RAB3GAP1: variants seen among roughly 807,000 people sequenced by gnomAD.
RAB3GAP1 encodes RAB3 GTPase activating protein catalytic subunit 1, also known as rab3 GTPase-activating protein catalytic subunit.
RAB3GAP1 carries 86 observed loss-of-function variants against 130.7 expected under a neutral mutation model. The observed-to-expected ratio is 0.66, with a 90% CI of 0.55 to 0.79. The LOEUF is 0.79. RAB3GAP1 is among the 30% of genes least tolerant of loss of function. The pLI is 0.00. For missense variants in RAB3GAP1, 1,029 were observed against 1,169.4 expected, an observed-to-expected ratio of 0.88 and a Z score of 1.75; for synonymous variants, 367 against 401.7, an observed-to-expected ratio of 0.91 and a Z score of 1.03.
At chr2:135,112,060 A>AGCATGGCCATAT (rs1204534606) in intron 5 of RAB3GAP1, among the ~76,000 whole-genome samples, 11 of 152,232 alleles carry the variant, frequency 7.2e-5, no homozygotes, top group Non-Finnish European at 1.6e-4. Context: ...AATGTGTTAG[A>AGCATGGCCATAT]GCATGGCCAT....
intron 7 of RAB3GAP1, among the ~76,000 whole-genome samples, chr2:135,117,549 T>TCTTCTGCTGCTG (rs1558784329): frequency 1.2e-5 from 1 of 83,600 alleles, no homozygotes; most frequent in African/African-American, 3.7e-5. Context: ...TTCTGCTTCT[T>TCTTCTGCTGCTG]CTTCTTCTGC....
rs776999297 is a variant in RAB3GAP1, at chr2:135,126,627, G to A, written c.944G>A (p.Arg315Gln). 1.2e-5 allele frequency: 19 copies of A among 1,612,926 alleles called. No individual in the cohort carries two copies. Among genetic ancestry groups the A allele is most frequent in the East Asian group, 6.7e-5 (3 of 44,818 alleles). ...IQAPHWSVRV[R>Q]KAENPQCLLG... Reference sequence around the variant, plus strand: ...GCTCCACATTGGTCTGTTAGAGTTCGAAAAGCTGAGAATCCTCAGTGTTTG... The same window carrying A: ...GCTCCACATTGGTCTGTTAGAGTTCAAAAAGCTGAGAATCCTCAGTGTTTG... Residue 315 changes from arginine (R) to glutamine (Q), a missense_variant, in exon 11 of 24, where the codon CGA (arginine) becomes CAA (glutamine). This residue lies in a region of RAB3GAP1 where 510 missense variants were observed against 532.1 expected (regional missense o/e 0.96). Coordinates refer to ENST00000264158, the MANE Select transcript of RAB3GAP1 (RefSeq NM_012233.3).
intron 19 of RAB3GAP1, among the ~76,000 whole-genome samples, chr2:135,155,880 A>T (rs1177643260): frequency 6.6e-6 from 1 of 152,128 alleles, no homozygotes; most frequent in Non-Finnish European, 1.5e-5. Flanking sequence ...AAACAGATGA[A>T]ATTAATGAGT....
chr2:135,162,545 C>A lies in RAB3GAP1; in HGVS notation c.2290-10C>A. 1 of 1,607,456 alleles carries A rather than the reference C, an allele frequency of 6.2e-7. No individual in the cohort carries two copies. The highest frequency in any genetic ancestry group is 8.5e-7 in the Non-Finnish European group (1 of 1,174,606). ...GCGCTGATCATTTGTGTGCGCTGCACCTCCTTCAGGTGCTGCACTATCTGG... is the reference window on the plus strand; with the variant it reads ...GCGCTGATCATTTGTGTGCGCTGCAACTCCTTCAGGTGCTGCACTATCTGG... On this transcript the variant is annotated splice_polypyrimidine_tract_variant and intron_variant, in intron 19 of 23. Transcript: ENST00000264158.
downstream of RAB3GAP1, among the ~76,000 whole-genome samples, chr2:135,174,877 T>C (rs983375655): frequency 5.9e-5 from 9 of 152,376 alleles, no homozygotes; most frequent in East Asian, 1.7e-3. Context: ...TGGCTGTGGC[T>C]GAGTCCCACC....
rs76932809 is a variant in RAB3GAP1 at position 135,133,790 on chromosome 2, C to T, written c.1327-71C>T. 2.0e-3 allele frequency: 2,761 copies of T among 1,367,428 alleles called. 44 individuals carry two copies. The African/African-American group carries it at 0.035, about 17-fold the overall frequency. The allele number at this position is 1,367,428 out of a possible 1,614,324, so 84.7% of individuals were successfully genotyped here. Reference sequence around the variant, plus strand: ...ATTTTACAATTAAAATCTCTCCCTACGACCTTTTCAGTTATATGTGTAAAA... The same window carrying T: ...ATTTTACAATTAAAATCTCTCCCTATGACCTTTTCAGTTATATGTGTAAAA... On this transcript the variant is annotated intron_variant, in intron 14 of 23. Coordinates refer to ENST00000264158, the MANE Select transcript of RAB3GAP1 (RefSeq NM_012233.3).
rs761312443 is a variant in RAB3GAP1 at position 135,052,417 on chromosome 2, C to T, written c.19-13C>T. On this transcript the variant is annotated splice_polypyrimidine_tract_variant and intron_variant, in intron 1 of 23. Coordinates refer to ENST00000264158, the MANE Select transcript of RAB3GAP1 (RefSeq NM_012233.3). ...GGGCTTAATTTCTTTTTCTCTCCTT[C>T]CCCTTCCCGCAGCCCGAATCCGAGG... 1.1e-5 allele frequency: 18 copies of T among 1,614,060 alleles called. No homozygotes were observed. The African/African-American group carries it at 2.0e-4, about 18-fold the overall frequency.
intron 17 of RAB3GAP1, among the ~76,000 whole-genome samples, chr2:135,137,687 A>C (rs544576502): frequency 1.2e-4 from 18 of 152,258 alleles, no homozygotes; most frequent in Non-Finnish European, 7.3e-5. Context: ...GAACAAAAGT[A>C]AATATCCTTC....
rs369572870 is a variant in RAB3GAP1, at chr2:135,094,882, T to G, written c.362+1189T>G. Among the ~76,000 whole-genome samples the G allele has an allele frequency of 2.2e-4, 33 of 152,346 alleles. No homozygotes were observed. In the South Asian group the frequency reaches 5.8e-3, roughly 27 times the overall value. On this transcript the variant is annotated intron_variant, in intron 5 of 23. Transcript: ENST00000264158. Reference sequence around the variant, plus strand: ...TCTTGTAAATGACAGGATTTCATTCTTTTTTATGGCTGAATAATATTATAT... The same window carrying G: ...TCTTGTAAATGACAGGATTTCATTCGTTTTTATGGCTGAATAATATTATAT...
intron 7 of RAB3GAP1, among the ~76,000 whole-genome samples, chr2:135,119,496 C>G (rs1691132072): frequency 6.6e-6 from 1 of 152,126 alleles, no homozygotes; most frequent in African/African-American, 2.4e-5. Flanking sequence ...CTTGTTATGG[C>G]TTCTAGAACA....
At chr2:135,095,284 G>T (rs1003596770) in intron 5 of RAB3GAP1, among the ~76,000 whole-genome samples, 1 of 152,104 alleles carries the variant, frequency 6.6e-6, no homozygotes, top group South Asian at 2.1e-4. Flanking sequence ...TCCTGACCTC[G>T]TGATCCGCCC....
In RAB3GAP1 at chr2:135,151,405, C is replaced by T. The variant is rs148560925; in HGVS notation, c.2061+899C>T. On this transcript the variant is annotated intron_variant, in intron 18 of 23. Transcript: ENST00000264158. ...GTGTGAGTTTGATTTTTCTCTGAAA[C>T]ACCTGTGTATTATTTTTAAACATAA... 1.6e-3 allele frequency among the ~76,000 whole-genome samples: 250 copies of T among 152,322 alleles called. 3 individuals are homozygous for T. The Middle Eastern group carries it at 0.027, about 17-fold the overall frequency.
At chr2:135,056,283 A>G (rs1477559412) in intron 2 of RAB3GAP1, among the ~76,000 whole-genome samples, 3 of 151,778 alleles carry the variant, frequency 2.0e-5, no homozygotes, top group Non-Finnish European at 4.4e-5. Context: ...GCTCACTGCA[A>G]CCTCTGCCAC....
downstream of RAB3GAP1, among the ~76,000 whole-genome samples, chr2:135,172,134 A>C (rs1476274730): frequency 6.6e-6 from 1 of 152,196 alleles, no homozygotes. Context: ...TGTGACATTT[A>C]AAAATCTCTT....
At chr2:135,072,290 C>T (rs985381706) in intron 3 of RAB3GAP1, among the ~76,000 whole-genome samples, 2 of 152,154 alleles carry the variant, frequency 1.3e-5, no homozygotes, top group African/African-American at 4.8e-5. Context: ...CAACTGAATC[C>T]AGGGAAGATT....
Position 135,133,928 on chromosome 2 carries a change from G to C in RAB3GAP1, c.1394G>C (p.Cys465Ser). The stretch of plus-strand genomic sequence containing the variant: ...ACATACAAACTGGCTTTGTGTCTCT[G>C]TATGATCAATTTTTACCATGGAGGG... ...SLTYKLALCL[C>S]MINFYHGGLK... The change falls in exon 15 of 24, where the codon TGT becomes TCT. Residue 465 changes from cysteine to serine, a missense_variant. Cys to Ser is a moderately radical substitution (Grantham distance 112). Coordinates refer to ENST00000264158, the MANE Select transcript of RAB3GAP1 (RefSeq NM_012233.3). 1 of 1,613,880 alleles carries C rather than the reference G, an allele frequency of 6.2e-7. No individual in the cohort carries two copies. The highest frequency in any genetic ancestry group is 8.5e-7 in the Non-Finnish European group (1 of 1,179,792).
At chr2:135,139,165 GTA>G (rs1334796592) in intron 17 of RAB3GAP1, among the ~76,000 whole-genome samples, 2 of 152,014 alleles carry the variant, frequency 1.3e-5, no homozygotes, top group East Asian at 3.9e-4. Context: ...TATATATATT[GTA>G]TATGTTTTCT....
chr2:135,100,124 T>TG (rs528456539), intron 5 of RAB3GAP1, among the ~76,000 whole-genome samples: 7 of 152,300 alleles, frequency 4.6e-5, no homozygotes, highest in African/African-American at 1.7e-4. Flanking sequence ...CCACTTTCCC[T>TG]GGGCTGGGTG....
intron 17 of RAB3GAP1, among the ~76,000 whole-genome samples, chr2:135,139,314 G>C (rs1200534350): frequency 6.6e-6 from 1 of 152,062 alleles, no homozygotes; most frequent in Non-Finnish European, 1.5e-5. Context: ...GCCAAGGTGG[G>C]CAGATTGCTT....
Sources: allele counts gnomAD v4.1 joint callset (sites outside exome capture counted in the v4.1 genomes callset), GRCh38; gene constraint gnomAD v4.1.1; regional missense constraint gnomAD v4.1.1; transcripts MANE v1.5; gene names NCBI Gene and HGNC (gene_info 2026-07-23, HGNC 2026-07-21).